PLXNA4: variants seen among roughly 807,000 people sequenced by gnomAD.
PLXNA4 encodes plexin-A4.
PLXNA4 carries 44 observed loss-of-function variants against 191.8 expected under a neutral mutation model. The ratio of observed to expected loss-of-function variants is 0.23; its 90% CI spans 0.18 to 0.29. The LOEUF is 0.29. Ranked by LOEUF, PLXNA4 falls within the 10% of genes least tolerant of loss-of-function variation. The pLI is 1.00. For synonymous variants in PLXNA4, 1,082 were observed against 1,009.5 expected, an observed-to-expected ratio of 1.07 and a Z score of -1.36; for missense variants, 1,800 against 2,488.8, an observed-to-expected ratio of 0.72 and a Z score of 5.89.
At chr7:132,173,723 G>A (rs994254570) in intron 21 of PLXNA4, among the ~76,000 whole-genome samples, 8 of 152,178 alleles carry the variant, frequency 5.3e-5, no homozygotes, top group Non-Finnish European at 7.3e-5. Flanking sequence ...CACAGCTCCC[G>A]AGTGATGGGT....
In PLXNA4 at chr7:132,424,003, G is replaced by A. The variant is rs896919129; in HGVS notation, c.1371+65289C>T. On this transcript the variant is annotated intron_variant, in intron 3 of 31. Transcript: ENST00000321063. Reference sequence around the variant, plus strand: ...CAGGGCTGCCCTCCCCTCTGGATCAGCTCCCAGAACATGCCCTTTGCCTCT... The same window carrying A: ...CAGGGCTGCCCTCCCCTCTGGATCAACTCCCAGAACATGCCCTTTGCCTCT... Among the ~76,000 whole-genome samples the A allele has an allele frequency of 2.6e-5, 4 of 152,144 alleles. No individual in the cohort carries two copies. The South Asian group carries it at 8.3e-4, about 32-fold the overall frequency.
intron 5 of PLXNA4, among the ~76,000 whole-genome samples, chr7:132,230,243 G>T (rs774865052): frequency 3.3e-5 from 5 of 152,192 alleles, no homozygotes; most frequent in Non-Finnish European, 7.3e-5. Context: ...CCTGCGGCCT[G>T]TAGAGCCTAC....
chr7:132,302,189 G>C (rs1207486965), intron 3 of PLXNA4, among the ~76,000 whole-genome samples: 1 of 152,196 alleles, frequency 6.6e-6, no homozygotes, highest in South Asian at 2.1e-4. Context: ...GTTACGACTA[G>C]TCTCATTTAA....
intron 3 of PLXNA4, among the ~76,000 whole-genome samples, chr7:132,333,494 C>T (rs1036389523): frequency 3.9e-5 from 6 of 152,116 alleles, no homozygotes; most frequent in Non-Finnish European, 7.3e-5. Context: ...TGATGGGAGG[C>T]ACCTGGGCCT....
At chr7:132,409,126 T>C (rs1174550431) in intron 3 of PLXNA4, among the ~76,000 whole-genome samples, 1 of 152,156 alleles carries the variant, frequency 6.6e-6, no homozygotes, top group Non-Finnish European at 1.5e-5. Flanking sequence ...GCTGACTTGA[T>C]GTCCTTGGGA....
intron 3 of PLXNA4, among the ~76,000 whole-genome samples, chr7:132,442,799 T>A (rs1253895889): frequency 6.6e-6 from 1 of 152,250 alleles, no homozygotes; most frequent in African/African-American, 2.4e-5. Context: ...TTCTGGCCCC[T>A]GATTTTTCTG....
intron 3 of PLXNA4, among the ~76,000 whole-genome samples, chr7:132,351,477 A>G (rs1407946396): frequency 6.6e-6 from 1 of 152,202 alleles, no homozygotes; most frequent in Non-Finnish European, 1.5e-5. Flanking sequence ...CCACCCCGTC[A>G]TCTCTAGCAG....
At position 132,163,651 on chromosome 7, in the gene PLXNA4, C is replaced by T. The variant is rs1407655488; in HGVS notation, c.4500+491G>A. ...ACGTTCCTTCAACAACTGCCTTGCACCACTAGGCCACCTTGGCCTTGCGTT... is the reference window on the plus strand; with the variant it reads ...ACGTTCCTTCAACAACTGCCTTGCATCACTAGGCCACCTTGGCCTTGCGTT... On this transcript the variant is annotated intron_variant, in intron 24 of 31. Transcript: ENST00000321063. Among the ~76,000 whole-genome samples, 3 of 152,298 alleles carry T rather than the reference C, an allele frequency of 2.0e-5. No homozygotes were observed. The East Asian group carries it at 5.8e-4, about 29-fold the overall frequency.
At chr7:132,576,557 C>G, upstream of PLXNA4, 3 of 986,102 alleles carry the variant, frequency 3.0e-6, no homozygotes, top group Non-Finnish European at 3.6e-6. This position sits in a 1 kb window ranked among gnomAD's most constrained non-coding sequence, Gnocchi z 5.8. Flanking sequence ...GCCCCAGCCC[C>G]GAACGCAAAT....
At chr7:132,396,062 C>T (rs1251419220) in intron 3 of PLXNA4, among the ~76,000 whole-genome samples, 2 of 152,102 alleles carry the variant, frequency 1.3e-5, no homozygotes, top group Non-Finnish European at 2.9e-5. Context: ...CACAGCTGAA[C>T]AAAAGTAGGG....
chr7:132,198,351 C>G (rs1266013257), intron 13 of PLXNA4, 134 bp downstream of exon 13: 8 of 1,313,944 alleles, frequency 6.1e-6, no homozygotes, highest in Non-Finnish European at 7.1e-6. Flanking sequence ...CCCTCCAACT[C>G]TAAAATATTG....
intron 3 of PLXNA4, among the ~76,000 whole-genome samples, chr7:132,425,894 A>G (rs1795023323): frequency 6.6e-6 from 1 of 152,218 alleles, no homozygotes; most frequent in Non-Finnish European, 1.5e-5. Context: ...GGAGGCAGAC[A>G]GGGGCTTCTG....
chr7:132,301,979 AG>A (rs1801324453), intron 3 of PLXNA4, among the ~76,000 whole-genome samples: 1 of 152,222 alleles, frequency 6.6e-6, no homozygotes, highest in Non-Finnish European at 1.5e-5. Flanking sequence ...ATATAAGACT[AG>A]AACCCAGGTC....
chr7:132,423,384 G>C (rs1029204592), intron 3 of PLXNA4, among the ~76,000 whole-genome samples: 2 of 152,218 alleles, frequency 1.3e-5, no homozygotes, highest in African/African-American at 4.8e-5. Flanking sequence ...TCTAGGCCCT[G>C]TTCTGTCCTC....
intron 5 of PLXNA4, among the ~76,000 whole-genome samples, chr7:132,229,485 T>G (rs1038131524): frequency 1.3e-5 from 2 of 152,044 alleles, no homozygotes; most frequent in African/African-American, 4.8e-5. Context: ...CTTCACCAAG[T>G]GGTCATGATT....
chr7:132,176,115 A>C (rs55865647), intron 20 of PLXNA4, among the ~76,000 whole-genome samples: 2,677 of 152,272 alleles, frequency 0.018, 76 homozygotes, highest in African/African-American at 0.06. Flanking sequence ...TCCACCCAGC[A>C]GAGCAGACTT....
intron 1 of PLXNA4, among the ~76,000 whole-genome samples, chr7:132,575,845 C>A (rs1802199524): frequency 6.6e-6 from 1 of 152,198 alleles, no homozygotes. Context: ...ATATGCGCCG[C>A]CCTACAGAAC....
chr7:132,393,498 C>T (rs1056954648), intron 3 of PLXNA4, among the ~76,000 whole-genome samples: 3 of 152,138 alleles, frequency 2.0e-5, no homozygotes, highest in Non-Finnish European at 4.4e-5. Flanking sequence ...AGCACCCTTC[C>T]TCCCAACAAG....
At chr7:132,146,950 G>A (rs907369393) in intron 27 of PLXNA4, among the ~76,000 whole-genome samples, 11 of 152,228 alleles carry the variant, frequency 7.2e-5, no homozygotes, top group Middle Eastern at 3.4e-3. Context: ...ACTCTGCATC[G>A]TGTCAACCCT....
Sources: gnomAD v4.1 joint callset for allele counts (sites outside exome capture counted in the v4.1 genomes callset) on GRCh38, gnomAD v4.1.1 for gene constraint, Gnocchi (gnomAD v3.1) non-coding constraint, MANE v1.5 for transcripts, NCBI Gene and HGNC (gene_info 2026-07-23, HGNC 2026-07-21) for gene names.